HAO1: variants seen among roughly 807,000 people sequenced by gnomAD.
HAO1 encodes 2-Hydroxyacid oxidase 1.
A neutral mutation model predicts 39.7 loss-of-function variants in HAO1; 34 were observed. The ratio of observed to expected loss-of-function variants is 0.86; its 90% CI spans 0.65 to 1.14. The LOEUF (loss-of-function observed/expected upper bound fraction) is 1.14, where lower values mean the gene tolerates loss of function less well. Among genes scored for constraint, HAO1 ranks in the 50% most tolerant of loss-of-function variants. HAO1 has a pLI of 0.00. For missense variants in HAO1, 479 were observed against 464.5 expected, an observed-to-expected ratio of 1.03 and a Z score of -0.29; for synonymous variants, 172 against 173.2, an observed-to-expected ratio of 0.99 and a Z score of 0.05.
intron 7 of HAO1, among the ~76,000 whole-genome samples, chr20:7,884,850 C>A (rs1244711827): frequency 6.6e-6 from 1 of 152,064 alleles, no homozygotes; most frequent in East Asian, 1.9e-4. Context: ...TTTAAAAGAA[C>A]CGTTCTGGCC....
chr20:7,910,871 T>C, intron 3 of HAO1, among the ~76,000 whole-genome samples: 1 of 152,210 alleles, frequency 6.6e-6, no homozygotes, highest in East Asian at 1.9e-4. Flanking sequence ...AGTCCTCCAC[T>C]GACCTCTCTC....
At chr20:7,891,725 C>G (rs2050175060) in intron 5 of HAO1, among the ~76,000 whole-genome samples, 1 of 152,174 alleles carries the variant, frequency 6.6e-6, no homozygotes, top group Non-Finnish European at 1.5e-5. Flanking sequence ...GGAACAAACT[C>G]AAAAGCCCTT....
At chr20:7,884,382 T>C (rs1490129743) in intron 7 of HAO1, among the ~76,000 whole-genome samples, 1 of 152,070 alleles carries the variant, frequency 6.6e-6, no homozygotes, top group Non-Finnish European at 1.5e-5. Context: ...CTATGATAGC[T>C]GATATATAGG....
chr20:7,914,152 G>A lies in HAO1; in HGVS notation c.545+12C>T. On this transcript the variant is annotated intron_variant, in intron 3 of 7. Coordinates refer to ENST00000378789, the MANE Select transcript of HAO1 (RefSeq NM_017545.3). ...TTTCGCCTCAGCTCGGGGCCCACAT[G>A]ATCATGGTTACCTGAGTTGTGGCGG... 6 of 1,613,138 alleles carry A rather than the reference G, an allele frequency of 3.7e-6. No homozygotes were observed. Among genetic ancestry groups the A allele is most frequent in the Non-Finnish European group, 5.1e-6 (6 of 1,179,162 alleles).
intron 2 of HAO1, among the ~76,000 whole-genome samples, chr20:7,930,900 A>G (rs1435151849): frequency 3.3e-5 from 5 of 152,190 alleles, no homozygotes; most frequent in Admixed American, 1.3e-4. Flanking sequence ...CACAAGCACC[A>G]TCTACTCCAG....
At chr20:7,905,720 T>G (rs956670959) in intron 4 of HAO1, among the ~76,000 whole-genome samples, 2 of 152,150 alleles carry the variant, frequency 1.3e-5, no homozygotes, top group African/African-American at 4.8e-5. Context: ...TCCTAGCCAT[T>G]TGTACTGGAG....
intron 4 of HAO1, among the ~76,000 whole-genome samples, chr20:7,897,303 C>T (rs1046869420): frequency 6.6e-6 from 1 of 152,148 alleles, no homozygotes; most frequent in Non-Finnish European, 1.5e-5. Flanking sequence ...TGTTTTCTCA[C>T]TCTAATGACT....
intron 2 of HAO1, among the ~76,000 whole-genome samples, chr20:7,923,992 T>A (rs1205894295): frequency 6.6e-6 from 1 of 152,176 alleles, no homozygotes; most frequent in Non-Finnish European, 1.5e-5. Context: ...GGTTTGCCAA[T>A]GGCCCGCCAT....
At chr20:7,900,008 C>T (rs1406235938) in intron 4 of HAO1, among the ~76,000 whole-genome samples, 7 of 152,220 alleles carry the variant, frequency 4.6e-5, no homozygotes, top group Middle Eastern at 3.4e-3. Context: ...GTACTCAAAA[C>T]GTAAGTACTC....
At chr20:7,885,632 A>T (rs772038331) in intron 6 of HAO1, 42 bp from the exon 7 acceptor site, 3 of 1,559,742 alleles carry the variant, frequency 1.9e-6, no homozygotes, top group Non-Finnish European at 2.7e-6. Flanking sequence ...GAACTAAATC[A>T]GTCTGACTTG....
chr20:7,937,690 T>C (rs562134890), intron 1 of HAO1, among the ~76,000 whole-genome samples: 2 of 152,320 alleles, frequency 1.3e-5, no homozygotes, highest in African/African-American at 4.8e-5. Flanking sequence ...AAGACCATAG[T>C]TGAGAAGGCT....
chr20:7,904,121 G>C (rs1323554472), intron 4 of HAO1, among the ~76,000 whole-genome samples: 1 of 152,070 alleles, frequency 6.6e-6, no homozygotes, highest in Non-Finnish European at 1.5e-5. Context: ...TATGGAACAA[G>C]ACTAAAATTC....
chr20:7,888,287 C>T (rs1947622630), intron 5 of HAO1, among the ~76,000 whole-genome samples: 1 of 152,090 alleles, frequency 6.6e-6, no homozygotes. Flanking sequence ...AAAGAGAATC[C>T]TCTTTCTCAT....
chr20:7,906,283 T>C lies in HAO1; in HGVS notation c.592A>G (p.Asn198Asp). 1 of 1,612,218 alleles carries C rather than the reference T, an allele frequency of 6.2e-7. No homozygotes were observed. ...TSTLSFSPEENFGDDSGLAAY... is the reference protein window; with the variant it reads ...TSTLSFSPEEDFGDDSGLAAY... Reference sequence around the variant, plus strand: ...GCAAGTCCACTGTCGTCTCCAAAATTTTCCTCAGGAGAAAATGATAAAGTA... The same window carrying C: ...GCAAGTCCACTGTCGTCTCCAAAATCTTCCTCAGGAGAAAATGATAAAGTA... Residue 198 changes from asparagine (N) to aspartate (D), a missense_variant, in exon 4 of 8, where the codon AAT becomes GAT. Physicochemically the swap from Asn to Asp is conservative, Grantham distance 23. Coordinates refer to ENST00000378789, the MANE Select transcript of HAO1 (RefSeq NM_017545.3).
At chr20:7,925,019 C>T (rs1227846019) in intron 2 of HAO1, among the ~76,000 whole-genome samples, 1 of 152,096 alleles carries the variant, frequency 6.6e-6, no homozygotes, top group Non-Finnish European at 1.5e-5. Flanking sequence ...ACCATAATGT[C>T]CATTGAGTGT....
At chr20:7,937,904 T>C (rs954375109) in intron 1 of HAO1, among the ~76,000 whole-genome samples, 19 of 152,138 alleles carry the variant, frequency 1.2e-4, no homozygotes, top group African/African-American at 4.3e-4. Flanking sequence ...TCTGAAGTCT[T>C]ACCCAAAAAT....
intron 3 of HAO1, among the ~76,000 whole-genome samples, chr20:7,913,120 G>A (rs937715784): frequency 6.6e-6 from 1 of 150,472 alleles, no homozygotes; most frequent in African/African-American, 2.4e-5. Context: ...GTTTACATGT[G>A]GCTTCTTTCG....
Position 7,934,618 on chromosome 20 carries a change from C to A in HAO1, c.155G>T (p.Arg52Met), listed in dbSNP as rs373715337. 2.2e-5 allele frequency: 35 copies of A among 1,604,236 alleles called. No homozygotes were observed. The East Asian group carries it at 2.7e-4, about 12-fold the overall frequency. ...TGTTTCAGCAACATTCCGGAGCATC[C>A]TTGGATACAGCTTCCATCTAGAATT... The part of the protein sequence containing the change: ...AAFSRWKLYP[R>M]MLRNVAETDL... The change falls in exon 2 of 8, where the codon AGG becomes ATG. Residue 52 changes from arginine to methionine, a missense_variant. Arg to Met is a moderately conservative substitution (Grantham distance 91). Transcript: ENST00000378789.
intron 5 of HAO1, among the ~76,000 whole-genome samples, chr20:7,892,012 G>A (rs1415325098): frequency 6.6e-6 from 1 of 152,116 alleles, no homozygotes; most frequent in Non-Finnish European, 1.5e-5. Context: ...ACCTAGAACA[G>A]TGTGTCTCTG....
Sources: gnomAD v4.1 joint callset for allele counts (sites outside exome capture counted in the v4.1 genomes callset) on GRCh38, gnomAD v4.1.1 for gene constraint, MANE v1.5 for transcripts, NCBI Gene and HGNC (gene_info 2026-07-23, HGNC 2026-07-21) for gene names.